The following RYR2 variants were observed in gnomAD, a reference collection of about 807,000 sequenced individuals.
RYR2 encodes the protein cardiac muscle ryanodine receptor-calcium release channel.
RYR2 carries 227 observed loss-of-function variants against 601.1 expected under a neutral mutation model. The ratio of observed to expected loss-of-function variants is 0.38; its 90% CI spans 0.34 to 0.42. The LOEUF is 0.42. Ranked by LOEUF, RYR2 falls within the 10% of genes least tolerant of loss-of-function variation. The pLI is 1.00. For synonymous variants in RYR2, 2,223 were observed against 2,175.1 expected, an observed-to-expected ratio of 1.02 and a Z score of -0.61; for missense variants, 4,646 against 6,156.5, an observed-to-expected ratio of 0.75 and a Z score of 8.21.
rs3841805 is a variant in RYR2 at position 237,602,011 on chromosome 1, TA to T, written c.4597-11del. 2.9e-3 allele frequency: 4,724 copies of T among 1,605,380 alleles called. 90 individuals are homozygous for T. In the East Asian group the frequency reaches 0.037, roughly 13 times the overall value. On this transcript the variant is annotated splice_polypyrimidine_tract_variant and intron_variant, in intron 34 of 104. Transcript: ENST00000366574. ...TCATTACTAACATTATTAAATTCATTAAATGTATTTCAGGTGGAACCGAGTA... is the reference window on the plus strand; with the variant it reads ...TCATTACTAACATTATTAAATTCATTAATGTATTTCAGGTGGAACCGAGTA...
In RYR2 at chr1:237,042,463, C is replaced by T; in HGVS notation, c.-59C>T. 1 of 1,235,384 alleles carries T rather than the reference C, an allele frequency of 8.1e-7. No homozygotes were observed. Among genetic ancestry groups the T allele is most frequent in the Non-Finnish European group, 1.0e-6 (1 of 980,270 alleles). The allele number at this position is 1,235,384 out of a possible 1,614,324, so 76.5% of individuals were successfully genotyped here. ...AAGCAGAAGGCAGCGCCAGGGGCCG[C>T]CGCCGCCGCCGAGCTCCGCGGGGCT... is the stretch of plus-strand genomic sequence containing the variant. On this transcript the variant is annotated 5_prime_UTR_variant, in exon 1 of 105. Transcript: ENST00000366574.
intron 1 of RYR2, chr1:237,267,552 A>G (rs963051513): frequency 8.3e-6 from 2 of 240,374 alleles, no homozygotes; most frequent in Non-Finnish European, 1.8e-5. Flanking sequence ...AAGAGAAGAA[A>G]AGAAACTCGT....
Position 237,442,674 on chromosome 1 carries a change from T to C in RYR2, c.1170+1191T>C, listed in dbSNP as rs554180489. ...TAATGTAGAACAAATTCTCAGCTTA[T>C]TTTTTTCCTGTAGCATCGAGTTTTT... On this transcript the variant is annotated intron_variant, in intron 13 of 104. Transcript: ENST00000366574. Among the ~76,000 whole-genome samples, 8 of 152,312 alleles carry C rather than the reference T, an allele frequency of 5.3e-5. No homozygotes were observed. The East Asian group carries it at 1.3e-3, about 26-fold the overall frequency.
intron 74 of RYR2, among the ~76,000 whole-genome samples, chr1:237,724,521 C>G (rs1255228986): frequency 6.6e-6 from 1 of 151,552 alleles, no homozygotes; most frequent in Admixed American, 6.6e-5. Flanking sequence ...ACTAGGATAC[C>G]CTTAAGCTGT....
At chr1:237,293,217 T>C (rs971571859) in intron 2 of RYR2, among the ~76,000 whole-genome samples, 4 of 152,140 alleles carry the variant, frequency 2.6e-5, no homozygotes, top group African/African-American at 9.7e-5. Context: ...TTTTTCTTTT[T>C]TGGTTGAGGG....
chr1:237,406,908 G>C (rs1291337892), intron 10 of RYR2, among the ~76,000 whole-genome samples: 1 of 152,054 alleles, frequency 6.6e-6, no homozygotes, highest in Non-Finnish European at 1.5e-5. Context: ...ACATTCTATA[G>C]ACTTTGACTA....
At chr1:237,152,911 A>T (rs548989131) in intron 1 of RYR2, among the ~76,000 whole-genome samples, 5 of 90,700 alleles carry the variant, frequency 5.5e-5, no homozygotes, top group African/African-American at 1.9e-4. Flanking sequence ...TACCCATCTG[A>T]CAAAGGTGTA....
chr1:237,831,529 T>C lies in RYR2; in HGVS notation c.14772T>C (p.Tyr4924=). Reference sequence around the variant, plus strand: ...GTATCTGTAGGTTTTTTCTGATGTATCTTATAAACAAAGATGAAACAGAAC... The same window carrying C: ...GTATCTGTAGGTTTTTTCTGATGTACCTTATAAACAAAGATGAAACAGAAC... ...NLANYLFFLM[Y]LINKDETEHT... is the part of the protein sequence containing the mutation. The change falls in exon 104 of 105, where the codon TAT becomes TAC. Residue 4924 remains tyrosine, a synonymous_variant. Transcript: ENST00000366574. 2 of 1,566,542 alleles carry C rather than the reference T, an allele frequency of 1.3e-6. No individual in the cohort carries two copies. Among genetic ancestry groups the C allele is most frequent in the Non-Finnish European group, 1.8e-6 (2 of 1,139,678 alleles).
intron 19 of RYR2, among the ~76,000 whole-genome samples, chr1:237,493,924 G>A (rs998553063): frequency 6.6e-6 from 1 of 152,180 alleles, no homozygotes; most frequent in African/African-American, 2.4e-5. Flanking sequence ...GGCTTTACGT[G>A]TATTCTCTAC....
chr1:237,830,045 A>C (rs1663596564), intron 102 of RYR2: 1 of 155,434 alleles, frequency 6.4e-6, no homozygotes, highest in African/African-American at 2.4e-5. Context: ...TGTAGATGGG[A>C]TGTCTCATAG....
At chr1:237,169,098 A>G (rs1213660911) in intron 1 of RYR2, among the ~76,000 whole-genome samples, 1 of 152,238 alleles carries the variant, frequency 6.6e-6, no homozygotes, top group Non-Finnish European at 1.5e-5. Flanking sequence ...TTTTAAAAAT[A>G]GGGATACAAT....
At chr1:237,492,590 C>T (rs2150416725) in intron 18 of RYR2, among the ~76,000 whole-genome samples, 1 of 152,156 alleles carries the variant, frequency 6.6e-6, no homozygotes, top group East Asian at 1.9e-4. Flanking sequence ...CCTGTCATTG[C>T]AGTAATTGGG....
intron 58 of RYR2, among the ~76,000 whole-genome samples, chr1:237,668,537 G>A (rs1312508064): frequency 6.6e-6 from 1 of 152,228 alleles, no homozygotes; most frequent in Non-Finnish European, 1.5e-5. Flanking sequence ...ATAATGTGGT[G>A]TCTGTGTGTG....
chr1:237,318,073 C>A (rs1267508295), intron 2 of RYR2, among the ~76,000 whole-genome samples: 1 of 152,026 alleles, frequency 6.6e-6, no homozygotes, highest in Admixed American at 6.6e-5. Context: ...CATTTTGAAA[C>A]CTCTGTTGAT....
intron 29 of RYR2, 71 bp from the exon 30 acceptor site, chr1:237,589,722 T>A: frequency 6.9e-7 from 1 of 1,455,420 alleles, no homozygotes; most frequent in Non-Finnish European, 9.5e-7. Context: ...TGGAACAATA[T>A]GTTTGATAAT....
At chr1:237,695,966 C>A (rs1051618060) in intron 63 of RYR2, among the ~76,000 whole-genome samples, 1 of 152,138 alleles carries the variant, frequency 6.6e-6, no homozygotes, top group Non-Finnish European at 1.5e-5. Flanking sequence ...TCAGTCAACC[C>A]ACAGAATTTG....
intron 1 of RYR2, among the ~76,000 whole-genome samples, chr1:237,193,103 A>G (rs1278236811): frequency 6.8e-6 from 1 of 145,998 alleles, no homozygotes; most frequent in Non-Finnish European, 1.5e-5. Flanking sequence ...TGGGCGGATC[A>G]CGAGGTCAGG....
chr1:237,290,261 A>G (rs373455747), intron 2 of RYR2, among the ~76,000 whole-genome samples: 1 of 152,350 alleles, frequency 6.6e-6, no homozygotes, highest in African/African-American at 2.4e-5. Flanking sequence ...CAGGGCACTA[A>G]AGACTGTATA....
chr1:237,802,635 T>C (rs1240816981), intron 98 of RYR2, among the ~76,000 whole-genome samples: 2 of 152,234 alleles, frequency 1.3e-5, no homozygotes, highest in Non-Finnish European at 2.9e-5. Flanking sequence ...AAACTATTAA[T>C]ACACTATCTT....
Sources: allele counts gnomAD v4.1 joint callset (sites outside exome capture counted in the v4.1 genomes callset), GRCh38; gene constraint gnomAD v4.1.1; transcripts MANE v1.5; gene names NCBI Gene and HGNC (gene_info 2026-07-23, HGNC 2026-07-21).